The following OSBPL8 variants were observed in gnomAD, a reference collection of about 807,000 sequenced individuals.
OSBPL8 encodes the protein oxysterol binding protein like 8, also known as oxysterol-binding protein-related protein 8.
In OSBPL8, 59 loss-of-function variants were observed where a neutral mutation model predicts 125.5. That is an observed-to-expected ratio of 0.47 (90% CI 0.38 to 0.58). The LOEUF is 0.58. Among genes scored for constraint, OSBPL8 ranks in the 20% least tolerant of loss-of-function variants. OSBPL8 has a pLI of 0.00. For missense variants in OSBPL8, 758 were observed against 1,047.8 expected, an observed-to-expected ratio of 0.72 and a Z score of 3.82; for synonymous variants, 330 against 338.9, an observed-to-expected ratio of 0.97 and a Z score of 0.29.
In OSBPL8 at chr12:76,526,408, C is replaced by A. The variant is rs539226031; in HGVS notation, c.-68+32989G>T. 2.6e-5 allele frequency among the ~76,000 whole-genome samples: 4 copies of A among 152,040 alleles called. No homozygotes were observed. In the South Asian group the frequency reaches 6.2e-4, roughly 24 times the overall value. ...ATTTAATGATTTTCCCCCATATCAA[C>A]ATTTCTCAGTAGTCAGTGTACCAAT... On this transcript the variant is annotated intron_variant, in intron 1 of 23. Transcript: ENST00000261183.
intron 4 of OSBPL8, among the ~76,000 whole-genome samples, chr12:76,435,185 T>C (rs922953765): frequency 6.7e-5 from 10 of 149,234 alleles, no homozygotes; most frequent in East Asian, 5.8e-4. Flanking sequence ...TGTGTGTGTG[T>C]GCATATATAC....
intron 21 of OSBPL8, among the ~76,000 whole-genome samples, chr12:76,366,206 C>T (rs372110089): frequency 2.0e-5 from 3 of 152,272 alleles, no homozygotes; most frequent in Admixed American, 6.5e-5. Flanking sequence ...GCCACCTGAA[C>T]TTGAATTTTT....
At chr12:76,376,203 A>G (rs901981151) in intron 16 of OSBPL8, among the ~76,000 whole-genome samples, 2 of 152,230 alleles carry the variant, frequency 1.3e-5, no homozygotes, top group African/African-American at 4.8e-5. Context: ...AGCAAAGCAA[A>G]CAAAAAACTA....
chr12:76,376,573 G>T (rs532808160), intron 16 of OSBPL8, among the ~76,000 whole-genome samples: 3 of 152,020 alleles, frequency 2.0e-5, no homozygotes, highest in African/African-American at 7.2e-5. Context: ...GCTAAGTAGC[G>T]CATGGATATC....
chr12:76,537,593 T>C (rs1193046468), intron 1 of OSBPL8, among the ~76,000 whole-genome samples: 1 of 152,074 alleles, frequency 6.6e-6, no homozygotes, highest in African/African-American at 2.4e-5. Flanking sequence ...ATGAGAGAGA[T>C]TCACAATGAG....
intron 4 of OSBPL8, among the ~76,000 whole-genome samples, chr12:76,442,641 T>C (rs1227496039): frequency 6.6e-6 from 1 of 152,154 alleles, no homozygotes; most frequent in Non-Finnish European, 1.5e-5. Context: ...CTACAAGCCC[T>C]CTTTCAGGTA....
chr12:76,415,627 T>C (rs1438264138), intron 4 of OSBPL8, among the ~76,000 whole-genome samples: 1 of 152,226 alleles, frequency 6.6e-6, no homozygotes, highest in African/African-American at 2.4e-5. Context: ...TTCAGTAAAC[T>C]ATATTTACTA....
At chr12:76,477,197 A>C (rs1876911760) in intron 2 of OSBPL8, among the ~76,000 whole-genome samples, 1 of 152,126 alleles carries the variant, frequency 6.6e-6, no homozygotes, top group Non-Finnish European at 1.5e-5. Context: ...ACCAACTCAA[A>C]CTTTTGGGTC....
intron 18 of OSBPL8, among the ~76,000 whole-genome samples, chr12:76,372,721 C>T (rs1042996584): frequency 1.3e-4 from 20 of 152,188 alleles, no homozygotes; most frequent in African/African-American, 4.8e-4. Flanking sequence ...TTCATTTAAG[C>T]GTCTCTTAAC....
chr12:76,388,802 C>T (rs971460458), intron 12 of OSBPL8, among the ~76,000 whole-genome samples: 10 of 152,010 alleles, frequency 6.6e-5, no homozygotes, highest in African/African-American at 1.9e-4. Flanking sequence ...ATTTTGTCTA[C>T]GATGAAATTT....
chr12:76,485,966 T>C, intron 2 of OSBPL8: 1 of 367,922 alleles, frequency 2.7e-6, no homozygotes, highest in South Asian at 2.1e-5. Context: ...AAAATAAACA[T>C]TAAGTTCTAC....
At chr12:76,372,659 A>C (rs570919471) in intron 18 of OSBPL8, among the ~76,000 whole-genome samples, 1 of 152,192 alleles carries the variant, frequency 6.6e-6, no homozygotes, top group Non-Finnish European at 1.5e-5. Context: ...AAAGGAGCAT[A>C]TACTCAGTGC....
chr12:76,376,319 A>T (rs997676048), intron 16 of OSBPL8, among the ~76,000 whole-genome samples: 2 of 152,234 alleles, frequency 1.3e-5, no homozygotes, highest in Admixed American at 1.3e-4. Context: ...GCAGCCTTTA[A>T]CATGCAATGT....
At chr12:76,404,365 T>G (rs902921309) in intron 5 of OSBPL8, among the ~76,000 whole-genome samples, 3 of 152,232 alleles carry the variant, frequency 2.0e-5, no homozygotes, top group Non-Finnish European at 2.9e-5. Context: ...TAAAAAATAC[T>G]AATAGTATTA....
chr12:76,554,144 A>G (rs1951026656), intron 1 of OSBPL8, among the ~76,000 whole-genome samples: 1 of 152,154 alleles, frequency 6.6e-6, no homozygotes. Flanking sequence ...CCCCAGTGAG[A>G]AAATGGCAAC....
intron 2 of OSBPL8, among the ~76,000 whole-genome samples, chr12:76,471,262 T>C (rs547344278): frequency 8.5e-4 from 129 of 152,284 alleles, no homozygotes; most frequent in African/African-American, 2.9e-3. Context: ...ACACCTCCAC[T>C]TGGATACACA....
intron 21 of OSBPL8, 119 bp from the exon 22 acceptor site, chr12:76,358,930 T>G (rs1016598041): frequency 2.8e-6 from 2 of 711,970 alleles, no homozygotes; most frequent in African/African-American, 1.8e-5. Context: ...AAGACAATGA[T>G]GAAATAGTCT....
chr12:76,390,251 G>A (rs949424509), intron 11 of OSBPL8, 169 bp downstream of exon 11: 1 of 573,034 alleles, frequency 1.7e-6, no homozygotes, highest in African/African-American at 1.9e-5. Context: ...GAGTATATGT[G>A]TTTAGTTGTT....
intron 4 of OSBPL8, 47 bp from the exon 5 acceptor site, chr12:76,410,681 A>T: frequency 8.0e-7 from 1 of 1,252,478 alleles, no homozygotes; most frequent in South Asian, 1.2e-5. Flanking sequence ...TTGAACATGT[A>T]TAATAAGTCA....
Sources: gnomAD v4.1 joint callset for allele counts (sites outside exome capture counted in the v4.1 genomes callset) on GRCh38, gnomAD v4.1.1 for gene constraint, MANE v1.5 for transcripts, NCBI Gene and HGNC (gene_info 2026-07-23, HGNC 2026-07-21) for gene names.